Variants in PLK1 observed in about 807,000 individuals in gnomAD.
The protein encoded by PLK1 is serine/threonine-protein kinase PLK1.
In PLK1, 6 loss-of-function variants were observed where a neutral mutation model predicts 56.7. The ratio of observed to expected loss-of-function variants is 0.11; its 90% CI spans 0.06 to 0.21. The LOEUF (loss-of-function observed/expected upper bound fraction) is 0.21, where lower values mean the gene tolerates loss of function less well. PLK1 is among the 10% of genes least tolerant of loss of function. PLK1 has a pLI of 1.00. For missense variants in PLK1, 546 were observed against 814.4 expected (o/e 0.67, Z 4.01); for synonymous variants, 298 against 325.0 (o/e 0.92, Z 0.89).
At position 23,689,957 on chromosome 16, in the gene PLK1, A is replaced by G; in HGVS notation, c.1706A>G (p.Glu569Gly). The change falls in exon 10 of 10, where the codon GAG becomes GGG. Residue 569 changes from glutamate to glycine, a missense_variant. Coordinates refer to ENST00000300093, the MANE Select transcript of PLK1 (RefSeq NM_005030.6). This position sits in a 1 kb window ranked among gnomAD's most constrained non-coding sequence, Gnocchi z 4.8. Reference protein sequence around the residue: ...FRTYRLSLLEEYGCCKELASR... With the variant: ...FRTYRLSLLEGYGCCKELASR... Reference sequence around the variant, plus strand: ...ACATACCGCCTGAGTCTCCTGGAGGAGTACGGCTGCTGCAAGGAGCTGGCC... The same window carrying G: ...ACATACCGCCTGAGTCTCCTGGAGGGGTACGGCTGCTGCAAGGAGCTGGCC... 6.2e-7 allele frequency: 1 copy of G among 1,613,942 alleles called. No individual in the cohort carries two copies. The highest frequency in any genetic ancestry group is 8.5e-7 in the Non-Finnish European group (1 of 1,179,964).
In PLK1 at chr16:23,679,130, G is replaced by A. The variant is rs1261214019; in HGVS notation, c.198G>A (p.Lys66=). ...GRFLGKGGFA[K]CFEISDADTK... ...TTTTGGGCAAGGGCGGCTTTGCCAA[G>A]TGCTTCGAGATCTCGGACGCGGACA... The change falls in exon 1 of 10, where the codon AAG becomes AAA. Residue 66 remains lysine, a synonymous_variant. Coordinates refer to ENST00000300093, the MANE Select transcript of PLK1 (RefSeq NM_005030.6). The A allele has an allele frequency of 3.7e-6, 6 of 1,612,154 alleles. No homozygotes were observed. Among genetic ancestry groups the A allele is most frequent in the African/African-American group, 1.3e-5 (1 of 74,910 alleles).
chr16:23,680,370 AT>A lies in PLK1; in HGVS notation c.577+125del, dbSNP rs1959312284. The A allele has an allele frequency of 5.4e-6, 4 of 742,368 alleles. No individual in the cohort carries two copies. The South Asian group carries it at 8.2e-5, about 15-fold the overall frequency. The allele number at this position is 742,368 out of a possible 1,614,324, so 46.0% of individuals were successfully genotyped here. A position where few individuals can be genotyped will look rare whatever the true frequency, so the allele number is the denominator to read the frequency against. ...TCAGTATCTTGCCTACAGATGCATT[AT>A]TTTTTTGTGCCCCAATGCAATATTT... On this transcript the variant is annotated intron_variant, in intron 2 of 9. Coordinates refer to ENST00000300093, the MANE Select transcript of PLK1 (RefSeq NM_005030.6).
At chr16:23,688,837 A>ACCCTC (rs1959476981) in intron 7 of PLK1, 92 bp downstream of exon 7, 1 of 895,328 alleles carries the variant, frequency 1.1e-6, no homozygotes. Context: ...GCTCCCAGGT[A>ACCCTC]CTGTTCTCAG....
Position 23,689,979 on chromosome 16 carries a change from G to A in PLK1, c.1728G>A (p.Leu576=). Residue 576 remains leucine (L), a synonymous_variant, in exon 10 of 10, where the codon CTG becomes CTA. Transcript: ENST00000300093. This position sits in a 1 kb window ranked among gnomAD's most constrained non-coding sequence, Gnocchi z 4.8. Reference sequence around the variant, plus strand: ...AGGAGTACGGCTGCTGCAAGGAGCTGGCCAGCCGGCTCCGCTACGCCCGCA... The same window carrying A: ...AGGAGTACGGCTGCTGCAAGGAGCTAGCCAGCCGGCTCCGCTACGCCCGCA... ...LLEEYGCCKE[L]ASRLRYARTM... is the part of the protein sequence containing the mutation. 6.2e-7 allele frequency: 1 copy of A among 1,613,790 alleles called. No homozygotes were observed.
chr16:23,681,241 C>G (rs904561304), intron 3 of PLK1, among the ~76,000 whole-genome samples, 183 bp downstream of exon 3: 1 of 152,154 alleles, frequency 6.6e-6, no homozygotes, highest in Non-Finnish European at 1.5e-5. Context: ...TGTATCCTGT[C>G]GGATTTCTGC....
At chr16:23,688,772 G>A (rs1440947350) in intron 7 of PLK1, 27 bp downstream of exon 7, 2 of 1,520,286 alleles carry the variant, frequency 1.3e-6, no homozygotes, top group East Asian at 2.2e-5. Flanking sequence ...ACAGGTGGGT[G>A]ACTCAGGCAC....
At position 23,680,897 on chromosome 16, in the gene PLK1, TCCTC is replaced by T; in HGVS notation, c.578-12_578-9del. The T allele has an allele frequency of 6.2e-7, 1 of 1,601,462 alleles. No homozygotes were observed. The highest frequency in any genetic ancestry group is 1.1e-5 in the South Asian group (1 of 88,852). ...AGGCTGGCATCTAAGTACCAACTCT[TCCTC>T]CCTCTGTCCCAGGGGATTTTGGACT... On this transcript the variant is annotated splice_polypyrimidine_tract_variant and intron_variant, in intron 2 of 9. Coordinates refer to ENST00000300093, the MANE Select transcript of PLK1 (RefSeq NM_005030.6).
chr16:23,684,400 T>G (rs1474045033), intron 5 of PLK1, among the ~76,000 whole-genome samples: 1 of 152,222 alleles, frequency 6.6e-6, no homozygotes, highest in Non-Finnish European at 1.5e-5. Flanking sequence ...TTTTCCAGGT[T>G]GGAGTGCAGA....
At position 23,688,649 on chromosome 16, in the gene PLK1, C is replaced by CT. The variant is rs776583708; in HGVS notation, c.1193-18dup. 5.0e-6 allele frequency: 8 copies of CT among 1,597,646 alleles called. No individual in the cohort carries two copies. In the Admixed American group the frequency reaches 1.3e-4, roughly 27 times the overall value. On this transcript the variant is annotated intron_variant, in intron 6 of 9. Transcript: ENST00000300093. ...AGGCTGGTCCTGACCAACTAACTGTCTGTCTGTTTCTGTCTCAGAGGAGGC... is the reference window on the plus strand; with the variant it reads ...AGGCTGGTCCTGACCAACTAACTGTCTTGTCTGTTTCTGTCTCAGAGGAGGC...
intron 1 of PLK1, 165 bp downstream of exon 1, chr16:23,679,505 G>A (rs1959296100): frequency 4.8e-6 from 3 of 630,218 alleles, no homozygotes; most frequent in African/African-American, 1.8e-5. Context: ...TCTTTGGTAA[G>A]GGCTTCTTGG....
chr16:23,686,293 T>C (rs571352433), intron 5 of PLK1, among the ~76,000 whole-genome samples: 1 of 152,066 alleles, frequency 6.6e-6, no homozygotes, highest in African/African-American at 2.4e-5. Flanking sequence ...AGACTCCTAC[T>C]TTTTTTCTTT....
At chr16:23,681,955 G>A in intron 3 of PLK1, 109 bp from the exon 4 acceptor site, 2 of 684,980 alleles carry the variant, frequency 2.9e-6, no homozygotes, top group Non-Finnish European at 5.3e-6. Context: ...CCCAGAGTTA[G>A]AGTGAGTGTC....
chr16:23,681,930 A>T (rs1597134418), intron 3 of PLK1, 134 bp from the exon 4 acceptor site: 1 of 625,604 alleles, frequency 1.6e-6, no homozygotes, highest in Non-Finnish European at 2.9e-6. Flanking sequence ...GGACTTAGGG[A>T]TTGTCTTCAG....
intron 7 of PLK1, 48 bp downstream of exon 7, chr16:23,688,793 C>T: frequency 7.6e-7 from 1 of 1,313,376 alleles, no homozygotes; most frequent in South Asian, 1.2e-5. Context: ...AGCCAGGTGA[C>T]CTTTTCAGTT....
rs1260623231 is a variant in PLK1 at position 23,689,929 on chromosome 16, C to T, written c.1678C>T (p.Arg560Cys). 5.6e-6 allele frequency: 9 copies of T among 1,613,954 alleles called. No homozygotes were observed. Among genetic ancestry groups the T allele is most frequent in the Non-Finnish European group, 7.6e-6 (9 of 1,179,990 alleles). ...VTYIDEKRDF[R>C]TYRLSLLEEY... ...CTACATCGACGAGAAGCGGGACTTC[C>T]GCACATACCGCCTGAGTCTCCTGGA... Residue 560 changes from arginine to cysteine, a missense_variant, in exon 10 of 10, where the codon CGC (arginine) becomes TGC (cysteine). Transcript: ENST00000300093. The surrounding 1 kb of genome is among the most constrained non-coding windows in gnomAD (Gnocchi z 4.8).
Position 23,688,660 on chromosome 16 carries a change from T to C in PLK1, c.1193-8T>C, listed in dbSNP as rs745524508. On this transcript the variant is annotated splice_region_variant and splice_polypyrimidine_tract_variant and intron_variant, in intron 6 of 9. Transcript: ENST00000300093. ...GACCAACTAACTGTCTGTCTGTTTCTGTCTCAGAGGAGGCTGAGGATCCTG... is the reference window on the plus strand; with the variant it reads ...GACCAACTAACTGTCTGTCTGTTTCCGTCTCAGAGGAGGCTGAGGATCCTG... 2.1e-5 allele frequency: 33 copies of C among 1,609,346 alleles called. No individual in the cohort carries two copies. The Admixed American group carries it at 5.3e-4, about 26-fold the overall frequency.
chr16:23,685,722 A>AT lies in PLK1; in HGVS notation c.1036+1643dup, dbSNP rs1161858168. On this transcript the variant is annotated intron_variant, in intron 5 of 9. Transcript: ENST00000300093. ...GACTCTGTCTCAAAAAAAAAAAAAA[A>AT]TTTTTTTTTTGTAAAGACAAGATCT... Among the ~76,000 whole-genome samples the AT allele has an allele frequency of 6.8e-4, 101 of 149,426 alleles. 2 individuals carry two copies. Among genetic ancestry groups the AT allele is most frequent in the African/African-American group, 1.5e-3 (62 of 40,642 alleles).
chr16:23,688,632 C>G (rs201301705), intron 6 of PLK1, 36 bp from the exon 7 acceptor site: 2 of 1,525,414 alleles, frequency 1.3e-6, no homozygotes, highest in Non-Finnish European at 1.8e-6. Context: ...AGAGGCTGGT[C>G]CTGACCAACT....
intron 4 of PLK1, among the ~76,000 whole-genome samples, chr16:23,683,071 A>T (rs930136673): frequency 6.8e-6 from 1 of 147,286 alleles, no homozygotes; most frequent in Non-Finnish European, 1.5e-5. Flanking sequence ...GCTCACTGCA[A>T]GCTCTGCCTC....
Sources: allele counts gnomAD v4.1 joint callset (sites outside exome capture counted in the v4.1 genomes callset), GRCh38; gene constraint gnomAD v4.1.1; non-coding constraint Gnocchi (gnomAD v3.1); transcripts MANE v1.5; gene names NCBI Gene and HGNC (gene_info 2026-07-23, HGNC 2026-07-21).